DPP6: variants seen among roughly 807,000 people sequenced by gnomAD.
DPP6 encodes A-type potassium channel modulatory protein DPP6.
Under a neutral mutation model 122.6 loss-of-function variants are expected in DPP6, and 69 were observed. That is an observed-to-expected ratio of 0.56 (90% confidence interval 0.46 to 0.69). The LOEUF is 0.69. DPP6 is among the 30% of genes least tolerant of loss of function. The probability of loss-of-function intolerance (pLI) is 0.00; values close to 1 mark genes in which losing one functional copy is unlikely to be tolerated. For missense variants in DPP6, 928 were observed against 1,116.9 expected, an observed-to-expected ratio of 0.83 and a Z score of 2.41; for synonymous variants, 418 against 433.1, an observed-to-expected ratio of 0.97 and a Z score of 0.43.
chr7:154,608,350 T>C (rs1337930141), intron 5 of DPP6, among the ~76,000 whole-genome samples: 1 of 126,088 alleles, frequency 7.9e-6, no homozygotes, highest in East Asian at 2.5e-4. Flanking sequence ...TATTTTGAGA[T>C]GGAATCTCGC....
chr7:153,981,853 G>A (rs1022476712), intron 1 of DPP6, among the ~76,000 whole-genome samples: 2 of 151,240 alleles, frequency 1.3e-5, no homozygotes, highest in African/African-American at 4.9e-5. Flanking sequence ...TTTTTTTTAA[G>A]AATGTTGACT....
intron 1 of DPP6, among the ~76,000 whole-genome samples, chr7:153,932,183 C>A (rs1178161453): frequency 6.7e-6 from 1 of 149,228 alleles, no homozygotes; most frequent in Non-Finnish European, 1.5e-5. Flanking sequence ...TACAATGGCG[C>A]CATCTTGGCT....
chr7:154,273,044 T>C (rs1049415415), intron 1 of DPP6, among the ~76,000 whole-genome samples: 1 of 152,172 alleles, frequency 6.6e-6, no homozygotes, highest in African/African-American at 2.4e-5. Context: ...CCCTCACAAA[T>C]GATTCTGGGG....
chr7:154,203,751 A>G (rs1799291622), intron 1 of DPP6, among the ~76,000 whole-genome samples: 1 of 152,218 alleles, frequency 6.6e-6, no homozygotes, highest in African/African-American at 2.4e-5. Flanking sequence ...GCCGTAGTGC[A>G]GTGGAAGCGC....
intron 1 of DPP6, among the ~76,000 whole-genome samples, chr7:153,988,046 C>A (rs559472835): frequency 2.6e-5 from 4 of 152,294 alleles, no homozygotes; most frequent in Admixed American, 6.5e-5. Context: ...ACAACCAGAG[C>A]TGCTCAGCAA....
chr7:154,804,040 A>G (rs1798543215), intron 14 of DPP6, 85 bp downstream of exon 14: 4 of 1,486,366 alleles, frequency 2.7e-6, no homozygotes, highest in Admixed American at 2.0e-5. Flanking sequence ...TATGGAGTAC[A>G]GGAGCACAGG....
intron 3 of DPP6, among the ~76,000 whole-genome samples, chr7:154,519,146 A>G (rs905575413): frequency 6.6e-6 from 1 of 152,236 alleles, no homozygotes; most frequent in Non-Finnish European, 1.5e-5. Context: ...TTTCTCTAAT[A>G]ATACTGGCAA....
At chr7:154,003,828 T>C (rs894751144) in intron 1 of DPP6, among the ~76,000 whole-genome samples, 8 of 152,190 alleles carry the variant, frequency 5.3e-5, no homozygotes, top group Non-Finnish European at 1.2e-4. Flanking sequence ...GACAAGCGCA[T>C]GCAAGCTCTC....
intron 3 of DPP6, among the ~76,000 whole-genome samples, chr7:154,502,743 A>G (rs1231237359): frequency 1.3e-5 from 2 of 152,192 alleles, no homozygotes; most frequent in Non-Finnish European, 2.9e-5. Context: ...TTTACATTAT[A>G]TTGAATGTCA....
At chr7:154,125,994 G>T (rs1324040168) in intron 1 of DPP6, among the ~76,000 whole-genome samples, 1 of 152,104 alleles carries the variant, frequency 6.6e-6, no homozygotes, top group Non-Finnish European at 1.5e-5. Flanking sequence ...TTCTTAACTG[G>T]GTAGAATTCA....
chr7:154,552,642 A>G (rs1370451896), intron 4 of DPP6, among the ~76,000 whole-genome samples: 1 of 152,224 alleles, frequency 6.6e-6, no homozygotes, highest in Admixed American at 6.5e-5. Context: ...ATAACGTGAT[A>G]AAAGGTGTAT....
chr7:154,183,628 G>A (rs902223600), intron 1 of DPP6, among the ~76,000 whole-genome samples: 1 of 152,084 alleles, frequency 6.6e-6, no homozygotes, highest in Non-Finnish European at 1.5e-5. Flanking sequence ...GAAGGCTTGC[G>A]TGGTTCCCAC....
At chr7:154,086,527 T>C (rs1367310335) in intron 1 of DPP6, among the ~76,000 whole-genome samples, 1 of 150,544 alleles carries the variant, frequency 6.6e-6, no homozygotes, top group Admixed American at 6.7e-5. Context: ...CCCTACACGA[T>C]GTTCCATTTC....
the DPP6 span, among the ~76,000 whole-genome samples, chr7:153,824,223 T>C: frequency 1.8e-4 from 27 of 151,948 alleles, no homozygotes. Flanking sequence ...ACCCTGTCTC[T>C]ACTAAATACG....
chr7:154,087,131 A>T (rs1403679079), intron 1 of DPP6, among the ~76,000 whole-genome samples: 4 of 151,400 alleles, frequency 2.6e-5, no homozygotes, highest in Non-Finnish European at 5.9e-5. Context: ...TTTGGAACAG[A>T]AGAGAACATT....
chr7:154,325,994 T>C (rs571611609), intron 1 of DPP6, among the ~76,000 whole-genome samples: 15 of 152,324 alleles, frequency 9.8e-5, no homozygotes, highest in Non-Finnish European at 1.5e-4. Context: ...TTTCAAGTTA[T>C]TTTTCATGCA....
chr7:153,915,243 A>G (rs183873290), intron 1 of DPP6, among the ~76,000 whole-genome samples: 81 of 152,294 alleles, frequency 5.3e-4, no homozygotes, highest in Non-Finnish European at 9.4e-4. Context: ...TCTACTGTGT[A>G]GCAGAGCAGA....
At chr7:154,740,500 C>A (rs1003907641) in intron 8 of DPP6, among the ~76,000 whole-genome samples, 1 of 152,184 alleles carries the variant, frequency 6.6e-6, no homozygotes, top group African/African-American at 2.4e-5. Flanking sequence ...TGTATTCTAA[C>A]CTTTTTGGGC....
Position 153,918,460 on chromosome 7 carries a change from ACACACACTCTCTCT to A in DPP6, c.51+30728_51+30741del, listed in dbSNP as rs1479855979. Among the ~76,000 whole-genome samples the A allele has an allele frequency of 7.9e-5, 7 of 88,668 alleles. No individual in the cohort carries two copies. The South Asian group carries it at 1.1e-3, about 14-fold the overall frequency. The allele number at this position is 88,668 out of a possible 152,430, so 58.2% of individuals were successfully genotyped here. A position where few individuals can be genotyped will look rare whatever the true frequency, so the allele number is the denominator to read the frequency against. ...CACACACACACACACACACACACAC[ACACACACTCTCTCT>A]CTCTCTCTCTCTCTCTTTTTCTGCC... On this transcript the variant is annotated intron_variant, in intron 1 of 25. Coordinates refer to the DPP6 transcript ENST00000404039.
Sources: allele counts gnomAD v4.1 joint callset (sites outside exome capture counted in the v4.1 genomes callset), GRCh38; gene constraint gnomAD v4.1.1; transcripts MANE v1.5; gene names NCBI Gene and HGNC (gene_info 2026-07-23, HGNC 2026-07-21).